The following NAV2 variants were observed in gnomAD, a reference collection of about 807,000 sequenced individuals.
The protein encoded by NAV2 is neuron navigator 2.
In NAV2, 54 loss-of-function variants were observed where a neutral mutation model predicts 223.2. The observed-to-expected ratio is 0.24, with a 90% CI of 0.19 to 0.30. The LOEUF (loss-of-function observed/expected upper bound fraction) is 0.30, where lower values mean the gene tolerates loss of function less well. Ranked by LOEUF, NAV2 falls within the 10% of genes least tolerant of loss-of-function variation. The pLI is 1.00. For missense variants in NAV2, 2,806 were observed against 3,147.5 expected (o/e 0.89, Z 2.60); for synonymous variants, 1,279 against 1,239.3 (o/e 1.03, Z -0.67).
intron 1 of NAV2, among the ~76,000 whole-genome samples, chr11:19,749,940 T>G (rs534907814): frequency 4.1e-4 from 63 of 152,364 alleles, no homozygotes; most frequent in African/African-American, 1.5e-3. Context: ...GGTGGGCCAT[T>G]TGAGCCAATG....
chr11:19,895,104 CTTTTTT>C lies in NAV2; in HGVS notation c.931+2528_931+2533del, dbSNP rs71050690. 5.8e-3 allele frequency among the ~76,000 whole-genome samples: 576 copies of C among 99,234 alleles called. 2 individuals carry two copies. Among genetic ancestry groups the C allele is most frequent in the Non-Finnish European group, 8.5e-3 (454 of 53,602 alleles). 65.1% of individuals were successfully genotyped at this position (99,234 alleles called of 152,430 possible). A position where few individuals can be genotyped will look rare whatever the true frequency, so the allele number is the denominator to read the frequency against. On this transcript the variant is annotated intron_variant, in intron 6 of 37. Transcript: ENST00000349880. The stretch of plus-strand genomic sequence containing the variant: ...CTTTCTTTTCTTTTTCTTTTTCTTT[CTTTTTT>C]TTTTTTTTTTTTTTTTTGAGACAGA...
chr11:19,782,470 C>A (rs1199867837), intron 1 of NAV2, among the ~76,000 whole-genome samples: 1 of 152,168 alleles, frequency 6.6e-6, no homozygotes, highest in African/African-American at 2.4e-5. Flanking sequence ...GGTGACCTGG[C>A]AGTGCTTACA....
intron 1 of NAV2, among the ~76,000 whole-genome samples, chr11:19,618,075 TTTG>T (rs1485821178): frequency 6.6e-6 from 1 of 152,240 alleles, no homozygotes; most frequent in African/African-American, 2.4e-5. Flanking sequence ...TTACCTACTG[TTTG>T]TTGTCTTTCA....
chr11:19,528,956 G>C (rs1442297596), intron 1 of NAV2, among the ~76,000 whole-genome samples: 1 of 147,236 alleles, frequency 6.8e-6, no homozygotes, highest in Admixed American at 6.8e-5. Flanking sequence ...AAAAGAGTGA[G>C]TAGAAACTTA....
intron 1 of NAV2, among the ~76,000 whole-genome samples, chr11:19,538,469 T>C (rs2044248821): frequency 6.6e-6 from 1 of 152,022 alleles, no homozygotes; most frequent in South Asian, 2.1e-4. Flanking sequence ...GCCTCCCGTG[T>C]AGCTGGGACT....
intron 1 of NAV2, among the ~76,000 whole-genome samples, chr11:19,679,432 A>AAAAAAAAAAAAAAAG (rs1166042274): frequency 1.3e-5 from 2 of 151,660 alleles, no homozygotes; most frequent in African/African-American, 4.8e-5. Flanking sequence ...CTCTGTCTCA[A>AAAAAAAAAAAAAAAG]AAAAACACAA....
intron 1 of NAV2, among the ~76,000 whole-genome samples, chr11:19,510,479 G>T (rs1356005335): frequency 6.6e-6 from 1 of 152,202 alleles, no homozygotes; most frequent in Non-Finnish European, 1.5e-5. Flanking sequence ...CATTAGCCAG[G>T]CTCTGTGCTG....
intron 1 of NAV2, among the ~76,000 whole-genome samples, chr11:19,619,198 G>A (rs573563210): frequency 4.0e-5 from 6 of 151,662 alleles, no homozygotes; most frequent in East Asian, 3.9e-4. Context: ...TTGCTATTGC[G>A]AATAGTGCTG....
intron 20 of NAV2, among the ~76,000 whole-genome samples, chr11:20,067,188 T>A (rs546490056): frequency 6.6e-6 from 1 of 152,248 alleles, no homozygotes; most frequent in South Asian, 2.1e-4. Flanking sequence ...AGCACGAAGA[T>A]GAAGGCCACA....
chr11:19,893,902 T>A (rs1263528471), intron 6 of NAV2, among the ~76,000 whole-genome samples: 2 of 152,214 alleles, frequency 1.3e-5, no homozygotes, highest in African/African-American at 4.8e-5. Flanking sequence ...GTTACAAAAA[T>A]AATATATGCT....
At chr11:19,492,717 C>T (rs2042670689) in intron 1 of NAV2, among the ~76,000 whole-genome samples, 1 of 152,128 alleles carries the variant, frequency 6.6e-6, no homozygotes, top group South Asian at 2.1e-4. Flanking sequence ...TAAAGGCTCT[C>T]CTTTATAAAA....
In NAV2 at chr11:19,381,890, T is replaced by C. The variant is rs536027787; in HGVS notation, c.75+30863T>C. Reference sequence around the variant, plus strand: ...TTTAGAGGGGCCGTTTCTGGGTTTCTGAGGACAAGAGGGGCTGTGAAGCCA... The same window carrying C: ...TTTAGAGGGGCCGTTTCTGGGTTTCCGAGGACAAGAGGGGCTGTGAAGCCA... On this transcript the variant is annotated intron_variant, in intron 1 of 37. Transcript: ENST00000360655. Among the ~76,000 whole-genome samples, 82 of 152,314 alleles carry C rather than the reference T, an allele frequency of 5.4e-4. 1 individual carries two copies. Among genetic ancestry groups the C allele is most frequent in the African/African-American group, 1.8e-3 (76 of 41,582 alleles).
At chr11:19,825,235 T>G (rs2152868605) in intron 1 of NAV2, among the ~76,000 whole-genome samples, 1 of 122,860 alleles carries the variant, frequency 8.1e-6, no homozygotes, top group Non-Finnish European at 1.6e-5. Context: ...GAGGTTGCAG[T>G]GAGCCAAGAT....
At chr11:19,573,999 C>T (rs561011548) in intron 1 of NAV2, among the ~76,000 whole-genome samples, 1 of 152,286 alleles carries the variant, frequency 6.6e-6, no homozygotes, top group African/African-American at 2.4e-5. Context: ...GGGCTCCTTC[C>T]AGCAACTTCC....
At chr11:20,071,200 A>AAT (rs2059388446) in intron 22 of NAV2, among the ~76,000 whole-genome samples, 2 of 147,326 alleles carry the variant, frequency 1.4e-5, no homozygotes, top group African/African-American at 5.0e-5. Flanking sequence ...CTTATGAATG[A>AAT]GAACATCCAG....
chr11:19,944,786 C>T (rs2046737203), intron 8 of NAV2, among the ~76,000 whole-genome samples: 1 of 142,972 alleles, frequency 7.0e-6, no homozygotes, highest in Non-Finnish European at 1.5e-5. Context: ...TCTTTCTTGG[C>T]TGGCTGGCTT....
chr11:19,817,629 G>T (rs944628021), intron 1 of NAV2, among the ~76,000 whole-genome samples: 15 of 152,332 alleles, frequency 9.8e-5, no homozygotes, highest in Non-Finnish European at 1.6e-4. Context: ...GTGAAAGGAG[G>T]GAGGGGGTGG....
chr11:19,777,405 CT>C (rs200083334), intron 1 of NAV2: 48,960 of 390,662 alleles, frequency 0.13, 36 homozygotes, highest in South Asian at 0.19. Flanking sequence ...GGTGCTTCGG[CT>C]TTTTTTTTTT....
At chr11:19,676,412 T>C (rs2048713011) in intron 1 of NAV2, among the ~76,000 whole-genome samples, 1 of 152,188 alleles carries the variant, frequency 6.6e-6, no homozygotes, top group Admixed American at 6.5e-5. Context: ...CTTTGAGTAT[T>C]TACAACCTAG....
Sources: allele counts gnomAD v4.1 joint callset (sites outside exome capture counted in the v4.1 genomes callset), GRCh38; gene constraint gnomAD v4.1.1; transcripts MANE v1.5; gene names NCBI Gene and HGNC (gene_info 2026-07-23, HGNC 2026-07-21).